Variants in MMD2 observed in about 807,000 individuals in gnomAD.
The protein encoded by MMD2 is monocyte to macrophage differentiation factor 2.
MMD2 carries 30 observed loss-of-function variants against 33.5 expected under a neutral mutation model. The observed-to-expected ratio is 0.90, with a 90% confidence interval of 0.67 to 1.22. The LOEUF is 1.22. Ranked by LOEUF, MMD2 falls within the 50% of genes most tolerant of loss-of-function variation. MMD2 has a pLI of 0.00. For synonymous variants in MMD2, 129 were observed against 123.0 expected, an observed-to-expected ratio of 1.05 and a Z score of -0.32; for missense variants, 364 against 325.4, an observed-to-expected ratio of 1.12 and a Z score of -0.91.
At position 4,909,857 on chromosome 7, in the gene MMD2, C is replaced by T. The variant is rs542339845; in HGVS notation, c.537+24G>A. The T allele has an allele frequency of 3.0e-5, 48 of 1,600,134 alleles. No homozygotes were observed. The South Asian group carries it at 4.6e-4, about 15-fold the overall frequency. On this transcript the variant is annotated intron_variant, in intron 6 of 6. Transcript: ENST00000401401. ...CTCTTGGTCTCTTGCAGGGACTCAT[C>T]TATGCAGGGCTGGCAGCACTTACCA...
Position 4,940,678 on chromosome 7 carries a change from C to T in MMD2, c.48-15146G>A, listed in dbSNP as rs1466969804. On this transcript the variant is annotated intron_variant, in intron 1 of 6. Coordinates refer to ENST00000401401, the MANE Select transcript of MMD2 (RefSeq NM_198403.4). This position sits in a 1 kb window ranked among gnomAD's most constrained non-coding sequence, Gnocchi z 5.0. ...TGGGAAACAGTCCTTGGGCCGGTGC[C>T]ACCTGGGAATGGTCATGAAATAAAA... Among the ~76,000 whole-genome samples, 3 of 152,200 alleles carry T rather than the reference C, an allele frequency of 2.0e-5. No individual in the cohort carries two copies. The highest frequency in any genetic ancestry group is 4.4e-5 in the Non-Finnish European group (3 of 68,044).
In MMD2 at chr7:4,946,117, GCA is replaced by G. The variant is rs1562494458; in HGVS notation, c.47+12852_47+12853del. On this transcript the variant is annotated intron_variant, in intron 1 of 6. Coordinates refer to ENST00000401401, the MANE Select transcript of MMD2 (RefSeq NM_198403.4). This position sits in a 1 kb window ranked among gnomAD's most constrained non-coding sequence, Gnocchi z 5.0. ...CACACACGCATGCACACGCGCACAC[GCA>G]CGCACACACCTGCACACGCACGCAC... is the stretch of plus-strand genomic sequence containing the variant. 1.4e-5 allele frequency among the ~76,000 whole-genome samples: 2 copies of G among 145,488 alleles called. No homozygotes were observed. Among genetic ancestry groups the G allele is most frequent in the East Asian group, 2.0e-4 (1 of 4,900 alleles).
Position 4,916,010 on chromosome 7 carries a change from T to C in MMD2, c.360A>G (p.Ala120=). The C allele has an allele frequency of 3.1e-6, 5 of 1,613,704 alleles. No individual in the cohort carries two copies. Among genetic ancestry groups the C allele is most frequent in the Non-Finnish European group, 4.2e-6 (5 of 1,179,804 alleles). The part of the protein sequence containing the change: ...VIYFFIAASY[A]PWLNLRELGP... ...GGCGGCGGGACGGTACTCACCAGGG[T>C]GCGTAGGAAGCCGCTATGAAGAAAT... Residue 120 remains alanine, a synonymous_variant, in exon 4 of 7, where the codon GCA becomes GCG. Coordinates refer to ENST00000401401, the MANE Select transcript of MMD2 (RefSeq NM_198403.4).
rs1381090034 is a variant in MMD2, at chr7:4,946,170, C to A, written c.47+12801G>T. On this transcript the variant is annotated intron_variant, in intron 1 of 6. Transcript: ENST00000401401. This position sits in a 1 kb window ranked among gnomAD's most constrained non-coding sequence, Gnocchi z 5.0. ...ACCCACACCCGCGCGCACACCTGCA[C>A]ACATGCACACACACGCGCGCACACC... Among the ~76,000 whole-genome samples the A allele has an allele frequency of 6.6e-6, 1 of 151,292 alleles. No individual in the cohort carries two copies. Among genetic ancestry groups the A allele is most frequent in the East Asian group, 1.9e-4 (1 of 5,140 alleles).
chr7:4,959,172 G>A lies in MMD2; in HGVS notation c.-155C>T. 3 of 489,230 alleles carry A rather than the reference G, an allele frequency of 6.1e-6. No homozygotes were observed. The highest frequency in any genetic ancestry group is 9.3e-6 in the Non-Finnish European group (3 of 322,816). 30.3% of individuals were successfully genotyped at this position (489,230 alleles called of 1,614,324 possible). A position where few individuals can be genotyped will look rare whatever the true frequency, so the allele number is the denominator to read the frequency against. ...CGGAGCCGGAGCCGGAGCCCGAGCC[G>A]GAGCTGGAGGCGCCCGGAGCCGCCG... is the stretch of plus-strand genomic sequence containing the variant. On this transcript the variant is annotated 5_prime_UTR_variant, in exon 1 of 7. Transcript: ENST00000401401.
chr7:4,938,172 G>A (rs2115135084), intron 1 of MMD2, among the ~76,000 whole-genome samples: 1 of 151,496 alleles, frequency 6.6e-6, no homozygotes, highest in South Asian at 2.1e-4. Flanking sequence ...CACTATGCCA[G>A]GCTAATTTTT....
chr7:4,938,074 C>T (rs1391209589), intron 1 of MMD2, among the ~76,000 whole-genome samples: 2 of 121,754 alleles, frequency 1.6e-5, no homozygotes, highest in African/African-American at 6.2e-5. Context: ...TGCAATGGCA[C>T]GATCTCAGCT....
At chr7:4,933,134 G>A (rs1785638170) in intron 1 of MMD2, among the ~76,000 whole-genome samples, 1 of 152,088 alleles carries the variant, frequency 6.6e-6, no homozygotes, top group Non-Finnish European at 1.5e-5. Context: ...CCAGCGCTTT[G>A]GGAGGCCGAG....
intron 1 of MMD2, among the ~76,000 whole-genome samples, chr7:4,930,445 G>A (rs1207595300): frequency 6.6e-6 from 1 of 151,554 alleles, no homozygotes; most frequent in Non-Finnish European, 1.5e-5. Flanking sequence ...TTTAAGACCA[G>A]CCTGGCTAAC....
At chr7:4,915,911 A>C in intron 4 of MMD2, 94 bp downstream of exon 4, 2 of 1,301,894 alleles carry the variant, frequency 1.5e-6, no homozygotes, top group Non-Finnish European at 2.2e-6. Context: ...CCTTTGTGCC[A>C]AGTCAACACA....
At chr7:4,908,896 CAAAAAA>C (rs765437583) in intron 6 of MMD2, among the ~76,000 whole-genome samples, 3 of 75,684 alleles carry the variant, frequency 4.0e-5, no homozygotes, top group Admixed American at 3.2e-4. Context: ...GACTCCATCT[CAAAAAA>C]AAAAAAAAAA....
intron 1 of MMD2, among the ~76,000 whole-genome samples, chr7:4,929,433 C>T (rs887975335): frequency 2.0e-5 from 3 of 152,142 alleles, no homozygotes; most frequent in Admixed American, 2.0e-4. Context: ...CCAGAACACG[C>T]CGCCCATCCA....
chr7:4,901,381 C>T (rs1425414874), downstream of MMD2, among the ~76,000 whole-genome samples: 3 of 152,100 alleles, frequency 2.0e-5, no homozygotes, highest in Admixed American at 2.0e-4. Context: ...GCAGAGTTTC[C>T]AGTGAGCCAA....
At chr7:4,934,440 T>C (rs961036228) in intron 1 of MMD2, among the ~76,000 whole-genome samples, 13 of 152,060 alleles carry the variant, frequency 8.5e-5, no homozygotes, top group Admixed American at 5.9e-4. Flanking sequence ...GTAGATAAAA[T>C]TGAGACTGTG....
At chr7:4,893,230 G>A in the MMD2 span, among the ~76,000 whole-genome samples, 20 of 151,950 alleles carry the variant, frequency 1.3e-4, no homozygotes, top group African/African-American at 3.6e-4. Context: ...CTTGGACCCC[G>A]TCCAAGAAAG....
chr7:4,931,840 C>G (rs1417208430), intron 1 of MMD2, among the ~76,000 whole-genome samples: 3 of 152,168 alleles, frequency 2.0e-5, no homozygotes, highest in African/African-American at 7.2e-5. Context: ...GCTGAGATTA[C>G]AGGAATGAGC....
intron 3 of MMD2, 52 bp downstream of exon 3, chr7:4,920,119 C>T: frequency 6.5e-7 from 1 of 1,531,798 alleles, no homozygotes; most frequent in South Asian, 1.2e-5. Flanking sequence ...TGCCATGGGT[C>T]CCCCTGCCCC....
the MMD2 span, among the ~76,000 whole-genome samples, chr7:4,897,155 C>T: frequency 9.7e-4 from 146 of 151,126 alleles, 2 homozygotes; most frequent in African/African-American, 3.5e-3. Context: ...CCACCACGCC[C>T]GGCCTTAATT....
chr7:4,934,334 T>C (rs2942569), intron 1 of MMD2, among the ~76,000 whole-genome samples: 129,856 of 152,214 alleles, frequency 0.85, 55,504 homozygotes, highest in East Asian at 1. Flanking sequence ...AAACTGCTGG[T>C]CTCAAGCAAT....
Sources: gnomAD v4.1 joint callset for allele counts (sites outside exome capture counted in the v4.1 genomes callset) on GRCh38, gnomAD v4.1.1 for gene constraint, Gnocchi (gnomAD v3.1) non-coding constraint, MANE v1.5 for transcripts, NCBI Gene and HGNC (gene_info 2026-07-23, HGNC 2026-07-21) for gene names.